Variants in TAFA2 observed in about 807,000 individuals in gnomAD.
TAFA2 encodes the protein TAFA chemokine like family member 2.
Under a neutral mutation model 18.8 loss-of-function variants are expected in TAFA2, and 7 were observed. The ratio of observed to expected loss-of-function variants is 0.37; its 90% CI spans 0.21 to 0.70. TAFA2 has a LOEUF of 0.70. Ranked by LOEUF, TAFA2 falls within the 30% of genes least tolerant of loss-of-function variation. The pLI, the probability that TAFA2 is intolerant of heterozygous loss-of-function variation, is 0.53. For missense variants in TAFA2, 122 were observed against 158.1 expected (o/e 0.77, Z 1.23); for synonymous variants, 60 against 54.2 (o/e 1.11, Z -0.47).
upstream of TAFA2, chr12:62,192,885 G>T (rs1455015717): frequency 6.6e-6 from 1 of 152,114 alleles, no homozygotes; most frequent in Non-Finnish European, 1.5e-5. Context: ...GGATTAGAAC[G>T]CTTTACTAGA....
At chr12:61,879,358 C>T (rs934786438) in intron 1 of TAFA2, 66 of 723,208 alleles carry the variant, frequency 9.1e-5, no homozygotes, top group Non-Finnish European at 1.3e-4. Context: ...AAGGTATCCA[C>T]CTCTGGCCCC....
At chr12:61,771,533 C>T (rs192004016) in intron 2 of TAFA2, among the ~76,000 whole-genome samples, 1 of 151,938 alleles carries the variant, frequency 6.6e-6, no homozygotes, top group African/African-American at 2.4e-5. Flanking sequence ...CAAGTACTCT[C>T]TCTGACCACA....
chr12:61,751,480 T>C (rs1199270495), intron 4 of TAFA2, among the ~76,000 whole-genome samples: 1 of 152,022 alleles, frequency 6.6e-6, no homozygotes, highest in Non-Finnish European at 1.5e-5. Context: ...TCCTCTTATA[T>C]ATGATGATTT....
At chr12:61,763,897 AAT>A (rs1036293607) in intron 2 of TAFA2, among the ~76,000 whole-genome samples, 1 of 151,930 alleles carries the variant, frequency 6.6e-6, no homozygotes, top group Non-Finnish European at 1.5e-5. Context: ...CATTTTCCAG[AAT>A]ATGTTTCAAT....
At chr12:62,205,309 C>T (rs1269709389) in intron 1 of TAFA2, among the ~76,000 whole-genome samples, 2 of 152,218 alleles carry the variant, frequency 1.3e-5, no homozygotes, top group African/African-American at 2.4e-5. Context: ...AGTCAAGAGG[C>T]ACAGGATCAG....
At chr12:61,816,466 A>G (rs2121030060) in intron 2 of TAFA2, among the ~76,000 whole-genome samples, 1 of 151,480 alleles carries the variant, frequency 6.6e-6, no homozygotes, top group Non-Finnish European at 1.5e-5. Flanking sequence ...TGTTTTGAAT[A>G]GTGCTGCAAT....
chr12:61,821,312 T>G (rs1196206843), intron 2 of TAFA2, among the ~76,000 whole-genome samples: 2 of 152,088 alleles, frequency 1.3e-5, no homozygotes, highest in Non-Finnish European at 1.5e-5. Flanking sequence ...TCTCACATTT[T>G]TACCACATGG....
chr12:62,070,197 C>A (rs1393634187), intron 1 of TAFA2, among the ~76,000 whole-genome samples: 1 of 152,144 alleles, frequency 6.6e-6, no homozygotes, highest in Admixed American at 6.5e-5. Flanking sequence ...TAGCAATGGA[C>A]TGCAGAGATA....
chr12:62,196,294 GT>G (rs1373449435), upstream of TAFA2, among the ~76,000 whole-genome samples: 4 of 152,174 alleles, frequency 2.6e-5, no homozygotes, highest in Non-Finnish European at 2.9e-5. Context: ...CAATAAGACT[GT>G]TTTGCTTCCT....
intron 1 of TAFA2, among the ~76,000 whole-genome samples, chr12:62,032,395 ATC>A (rs1421391547): frequency 3.9e-5 from 6 of 152,198 alleles, no homozygotes; most frequent in Non-Finnish European, 5.9e-5. Context: ...CTTTGCCAAT[ATC>A]TCTGACAAGA....
At chr12:61,874,715 G>C (rs972582058) in intron 1 of TAFA2, among the ~76,000 whole-genome samples, 3 of 152,096 alleles carry the variant, frequency 2.0e-5, no homozygotes, top group African/African-American at 7.2e-5. Context: ...AATGTGCCAA[G>C]CTCTAACATC....
intron 1 of TAFA2, among the ~76,000 whole-genome samples, chr12:61,986,028 T>G (rs370442488): frequency 6.6e-6 from 1 of 152,134 alleles, no homozygotes; most frequent in Non-Finnish European, 1.5e-5. Context: ...TACAATAGCT[T>G]CCTCTGGTGA....
chr12:61,715,417 C>T (rs10784251), intron 4 of TAFA2, among the ~76,000 whole-genome samples: 65,095 of 151,508 alleles, frequency 0.43, 14,120 homozygotes, highest in Non-Finnish European at 0.45. Context: ...AGTGCTATCT[C>T]GGCTCACTGC....
chr12:61,943,433 G>A (rs1878123640), intron 1 of TAFA2, among the ~76,000 whole-genome samples: 2 of 148,946 alleles, frequency 1.3e-5, no homozygotes, highest in South Asian at 2.2e-4. Flanking sequence ...ATAATGACAG[G>A]ATCAAATTCA....
At chr12:62,130,336 C>A (rs1386401969) in intron 1 of TAFA2, among the ~76,000 whole-genome samples, 1 of 151,702 alleles carries the variant, frequency 6.6e-6, no homozygotes, top group South Asian at 2.1e-4. Flanking sequence ...TATGAAGGAA[C>A]AAATTTTGCA....
chr12:62,108,974 T>C (rs545799441), intron 1 of TAFA2, among the ~76,000 whole-genome samples: 2 of 152,214 alleles, frequency 1.3e-5, no homozygotes, highest in Admixed American at 6.5e-5. Context: ...GCAGAAGCTC[T>C]TTAGTTTAAT....
intron 1 of TAFA2, among the ~76,000 whole-genome samples, chr12:62,072,952 A>G (rs1882670322): frequency 6.6e-6 from 1 of 152,220 alleles, no homozygotes; most frequent in Non-Finnish European, 1.5e-5. Flanking sequence ...TAGCTCTTAA[A>G]TGATAGGGGA....
At chr12:61,737,998 G>T (rs1868333092) in intron 4 of TAFA2, among the ~76,000 whole-genome samples, 1 of 151,882 alleles carries the variant, frequency 6.6e-6, no homozygotes, top group African/African-American at 2.4e-5. Flanking sequence ...AACATATTTT[G>T]GTTAAAATGT....
At chr12:62,050,147 T>C (rs1241658615) in intron 1 of TAFA2, among the ~76,000 whole-genome samples, 1 of 152,164 alleles carries the variant, frequency 6.6e-6, no homozygotes, top group African/African-American at 2.4e-5. Flanking sequence ...TTTGAGATGC[T>C]TCTATTGTTA....
Sources: gnomAD v4.1 joint callset for allele counts (sites outside exome capture counted in the v4.1 genomes callset) on GRCh38, gnomAD v4.1.1 for gene constraint, MANE v1.5 for transcripts, NCBI Gene and HGNC (gene_info 2026-07-23, HGNC 2026-07-21) for gene names.